The following HADH variants were observed in gnomAD, a reference collection of about 807,000 sequenced individuals.
HADH encodes hydroxyacyl-CoA dehydrogenase.
Under a neutral mutation model 32.2 loss-of-function variants are expected in HADH, and 24 were observed. That is an observed-to-expected ratio of 0.75 (90% CI 0.54 to 1.05). The LOEUF is 1.05. Among genes scored for constraint, HADH ranks in the 50% least tolerant of loss-of-function variants. The pLI is 0.00. For missense variants in HADH, 350 were observed against 397.1 expected, an observed-to-expected ratio of 0.88 and a Z score of 1.01; for synonymous variants, 139 against 152.5, an observed-to-expected ratio of 0.91 and a Z score of 0.65.
chr4:108,022,952 A>G (rs1296271893), intron 4 of HADH, among the ~76,000 whole-genome samples: 1 of 151,092 alleles, frequency 6.6e-6, no homozygotes, highest in Non-Finnish European at 1.5e-5. Context: ...ATACACTTGT[A>G]TTTTAAGCCG....
chr4:107,995,607 T>C lies in HADH; in HGVS notation c.132+5543T>C, dbSNP rs1351362399. On this transcript the variant is annotated intron_variant, in intron 1 of 7. Transcript: ENST00000309522. ...AACCACTCTACAAAATATGACACTT[T>C]ATTCTGTTCAAAGAATTTTGATTTA... 2.0e-5 allele frequency among the ~76,000 whole-genome samples: 3 copies of C among 152,236 alleles called. No homozygotes were observed. In the East Asian group the frequency reaches 5.8e-4, roughly 29 times the overall value.
intron 2 of HADH, among the ~76,000 whole-genome samples, chr4:108,014,000 G>C (rs1224848890): frequency 1.3e-5 from 2 of 152,106 alleles, no homozygotes; most frequent in Admixed American, 6.5e-5. Flanking sequence ...CTCCAATTCT[G>C]TCCTTATTGA....
chr4:107,991,531 T>C (rs1022563680), intron 1 of HADH, among the ~76,000 whole-genome samples: 1 of 151,772 alleles, frequency 6.6e-6, no homozygotes, highest in Non-Finnish European at 1.5e-5. Flanking sequence ...TTTATATGAC[T>C]TCTTACAGTC....
intron 1 of HADH, among the ~76,000 whole-genome samples, chr4:107,991,367 C>A (rs1452835407): frequency 6.6e-6 from 1 of 152,114 alleles, no homozygotes; most frequent in South Asian, 2.1e-4. Flanking sequence ...CCAACCAAGT[C>A]CACGCTTTCA....
intron 6 of HADH, chr4:108,029,101 T>C (rs908932346): frequency 1.5e-5 from 6 of 387,722 alleles, no homozygotes; most frequent in African/African-American, 6.2e-5. Context: ...CTGGGTGTCC[T>C]GCCTGGGGTG....
intron 1 of HADH, among the ~76,000 whole-genome samples, chr4:107,999,749 CCTA>C (rs1735063194): frequency 6.6e-6 from 1 of 152,150 alleles, no homozygotes; most frequent in Non-Finnish European, 1.5e-5. Flanking sequence ...TCTTGAGAAA[CCTA>C]CTGTCTAGTG....
intron 1 of HADH, among the ~76,000 whole-genome samples, chr4:107,999,483 T>G (rs1204572350): frequency 1.3e-5 from 2 of 152,242 alleles, no homozygotes; most frequent in Admixed American, 1.3e-4. Context: ...CTCCTTTTTT[T>G]TCCTTACTAT....
chr4:108,001,574 G>A lies in HADH; in HGVS notation c.133-8185G>A, dbSNP rs568208637. 1.4e-3 allele frequency among the ~76,000 whole-genome samples: 213 copies of A among 152,340 alleles called. 2 individuals carry two copies. Among genetic ancestry groups the A allele is most frequent in the African/African-American group, 3.1e-3 (130 of 41,578 alleles). The stretch of plus-strand genomic sequence containing the variant: ...ATAAGTTACAGTAGTCCCCCCTTAC[G>A]AGGGGAGGGAGTACATTCCTAGACC... On this transcript the variant is annotated intron_variant, in intron 1 of 7. Transcript: ENST00000309522.
At chr4:108,009,977 CTTTTTTT>C (rs11388783) in intron 2 of HADH, 90 bp downstream of exon 2, 4 of 552,164 alleles carry the variant, frequency 7.2e-6, no homozygotes, top group Non-Finnish European at 9.2e-6. Context: ...TTCTTTCTTT[CTTTTTTT>C]TTTTTTTTTT....
chr4:108,000,653 A>G (rs1289266437), intron 1 of HADH, among the ~76,000 whole-genome samples: 1 of 152,178 alleles, frequency 6.6e-6, no homozygotes, highest in Admixed American at 6.5e-5. Context: ...TACCTCTACT[A>G]AGGGTTGGGA....
intron 5 of HADH, chr4:108,027,284 T>TAAAAAA: frequency 2.9e-6 from 1 of 340,414 alleles, no homozygotes; most frequent in Non-Finnish European, 5.7e-6. Context: ...TTATGTGTTT[T>TAAAAAA]CTGATTTATC....
intron 6 of HADH, 71 bp downstream of exon 6, chr4:108,027,831 C>T (rs567931714): frequency 5.5e-4 from 504 of 910,206 alleles, no homozygotes; most frequent in Middle Eastern, 3.5e-3. Context: ...TTCTCAGTGT[C>T]TCTAGGAGGG....
intron 1 of HADH, 61 bp downstream of exon 1, chr4:107,990,125 C>T (rs1734733143): frequency 6.5e-7 from 1 of 1,537,330 alleles, no homozygotes; most frequent in Non-Finnish European, 8.8e-7. Context: ...GGTGGAAGCT[C>T]TGGCGCGACC....
In HADH at chr4:108,003,634, T is replaced by TA. The variant is rs534811475; in HGVS notation, c.133-6118dup. 1.2e-3 allele frequency among the ~76,000 whole-genome samples: 189 copies of TA among 151,958 alleles called. 1 individual carries two copies. Among genetic ancestry groups the TA allele is most frequent in the African/African-American group, 4.3e-3 (178 of 41,432 alleles). On this transcript the variant is annotated intron_variant, in intron 1 of 7. Transcript: ENST00000309522. ...ATGGAGCAGGATCCCAGCCCGTTTG[T>TA]AAAAAAATAGAAGGACACAGAAGGG...
intron 1 of HADH, among the ~76,000 whole-genome samples, chr4:107,993,456 T>G (rs779947407): frequency 5.9e-5 from 9 of 152,246 alleles, no homozygotes; most frequent in Non-Finnish European, 1.0e-4. Flanking sequence ...TAGCTTAATT[T>G]TCTTGAACTT....
At chr4:107,998,694 T>G (rs1735027181) in intron 1 of HADH, among the ~76,000 whole-genome samples, 1 of 152,108 alleles carries the variant, frequency 6.6e-6, no homozygotes, top group Admixed American at 6.6e-5. Flanking sequence ...AAGACTGTCA[T>G]GCATGAGGCA....
chr4:108,003,410 C>T (rs28503770), intron 1 of HADH, among the ~76,000 whole-genome samples: 3,092 of 152,272 alleles, frequency 0.02, 103 homozygotes, highest in African/African-American at 0.069. Flanking sequence ...CCGCACCTCT[C>T]AATACTATCA....
chr4:107,998,178 A>T (rs1423197066), intron 1 of HADH, among the ~76,000 whole-genome samples: 1 of 152,196 alleles, frequency 6.6e-6, no homozygotes, highest in Non-Finnish European at 1.5e-5. Context: ...ACAGTTTGGT[A>T]GGTGCTGTGG....
intron 2 of HADH, among the ~76,000 whole-genome samples, chr4:108,012,355 G>A (rs1319433274): frequency 6.6e-6 from 1 of 152,146 alleles, no homozygotes; most frequent in Non-Finnish European, 1.5e-5. Context: ...TAAAGAAATA[G>A]CACTTGAAAT....
Sources: gnomAD v4.1 joint callset for allele counts (sites outside exome capture counted in the v4.1 genomes callset) on GRCh38, gnomAD v4.1.1 for gene constraint, MANE v1.5 for transcripts, NCBI Gene and HGNC (gene_info 2026-07-23, HGNC 2026-07-21) for gene names.